Variants in PTPRJ observed in about 807,000 individuals in gnomAD.
PTPRJ encodes protein tyrosine phosphatase receptor type J, also known as receptor-type tyrosine-protein phosphatase eta.
PTPRJ carries 129 observed loss-of-function variants against 141.3 expected under a neutral mutation model. The ratio of observed to expected loss-of-function variants is 0.91; its 90% CI spans 0.79 to 1.06. The LOEUF (loss-of-function observed/expected upper bound fraction) is 1.06. PTPRJ is among the 50% of genes least tolerant of loss of function. PTPRJ has a pLI of 0.00. For missense variants in PTPRJ, 1,601 were observed against 1,679.7 expected, an observed-to-expected ratio of 0.95 and a Z score of 0.82; for synonymous variants, 610 against 640.5, an observed-to-expected ratio of 0.95 and a Z score of 0.72.
In PTPRJ at chr11:48,169,543, G is replaced by A. The variant is rs1858006785; in HGVS notation, c.*2181G>A. 6.6e-6 allele frequency: 1 copy of A among 152,118 alleles called. No individual in the cohort carries two copies. The highest frequency in any genetic ancestry group is 2.1e-4 in the South Asian group (1 of 4,810). 9.4% of individuals were successfully genotyped at this position (152,118 alleles called of 1,614,324 possible). A position where few individuals can be genotyped will look rare whatever the true frequency, so the allele number is the denominator to read the frequency against. On this transcript the variant is annotated 3_prime_UTR_variant, in exon 25 of 25. Coordinates refer to ENST00000418331, the MANE Select transcript of PTPRJ (RefSeq NM_002843.4). ...GTCGGTACTTCATTCATAGGTCCCT[G>A]TTCAGGCAGCAGTTCTGTGGGCTGT... is the stretch of plus-strand genomic sequence containing the variant.
chr11:48,090,807 G>A (rs1168982600), intron 1 of PTPRJ, among the ~76,000 whole-genome samples: 1 of 152,088 alleles, frequency 6.6e-6, no homozygotes, highest in Non-Finnish European at 1.5e-5. Context: ...CCCTGGAGCT[G>A]TCCGTCCCCT....
In PTPRJ at chr11:48,158,959, C is replaced by T. The variant is rs12421100; in HGVS notation, c.3439-971C>T. ...AGAGTGAGACTGTCTCAAACAAACA[C>T]ACAAACAAAAAACAGAAAACAAAAC... On this transcript the variant is annotated intron_variant, in intron 21 of 24. Transcript: ENST00000418331. This position sits in a 1 kb window ranked among gnomAD's most constrained non-coding sequence, Gnocchi z 4.4. 6.6e-6 allele frequency among the ~76,000 whole-genome samples: 1 copy of T among 152,082 alleles called. No homozygotes were observed. The highest frequency in any genetic ancestry group is 2.4e-5 in the African/African-American group (1 of 41,406).
intron 6 of PTPRJ, 114 bp downstream of exon 6, chr11:48,125,300 G>A: frequency 8.4e-7 from 1 of 1,191,012 alleles, no homozygotes; most frequent in Middle Eastern, 2.0e-4. Flanking sequence ...TGATGTCAGA[G>A]GGAGCTTCCT....
intron 1 of PTPRJ, among the ~76,000 whole-genome samples, chr11:48,068,195 C>T (rs73464883): frequency 0.015 from 2,313 of 152,298 alleles, 60 homozygotes; most frequent in African/African-American, 0.053. Flanking sequence ...GCAGCGGGAA[C>T]ACTGAATGAA....
chr11:48,090,881 G>C (rs61915874), intron 1 of PTPRJ, among the ~76,000 whole-genome samples: 4,626 of 152,178 alleles, frequency 0.03, 106 homozygotes, highest in Non-Finnish European at 0.046. Context: ...CCCAGTCCTT[G>C]TCCTGGTGGT....
intron 22 of PTPRJ, 46 bp downstream of exon 22, chr11:48,160,095 G>A: frequency 6.3e-7 from 1 of 1,598,634 alleles, no homozygotes. Flanking sequence ...ATTACCATAT[G>A]TTAATTTGGG....
At chr11:48,166,222 T>C (rs1342614704) in intron 24 of PTPRJ, among the ~76,000 whole-genome samples, 2 of 151,838 alleles carry the variant, frequency 1.3e-5, no homozygotes, top group African/African-American at 2.4e-5. Context: ...GTAGCCAATG[T>C]TTATAGTTTG....
Position 48,138,962 on chromosome 11 carries a change from A to G in PTPRJ, c.2153-524A>G, listed in dbSNP as rs543156521. On this transcript the variant is annotated intron_variant, in intron 10 of 24. Transcript: ENST00000418331. ...ATCCTGGCTAACATGGTGAAACCCC[A>G]TGTCTACTAAAAATACAAAAATCAA... is the stretch of plus-strand genomic sequence containing the variant. Among the ~76,000 whole-genome samples, 3 of 152,254 alleles carry G rather than the reference A, an allele frequency of 2.0e-5. No individual in the cohort carries two copies. The South Asian group carries it at 6.2e-4, about 32-fold the overall frequency.
chr11:48,134,876 C>T (rs147146358), intron 8 of PTPRJ, among the ~76,000 whole-genome samples: 120 of 152,262 alleles, frequency 7.9e-4, no homozygotes, highest in African/African-American at 2.5e-3. Flanking sequence ...CTGTTTTCTT[C>T]CCTTCCTCAT....
Position 47,998,402 on chromosome 11 carries a change from G to A in PTPRJ, c.96+17394G>A, listed in dbSNP as rs189696006. Among the ~76,000 whole-genome samples the A allele has an allele frequency of 2.4e-3, 368 of 152,320 alleles. 1 individual carries two copies. Among genetic ancestry groups the A allele is most frequent in the Middle Eastern group, 6.8e-3 (2 of 294 alleles). ...TTGATTTGATCTTTACAAATTGTGTGAATGTATTAAATTACCACATGTGCT... is the reference window on the plus strand; with the variant it reads ...TTGATTTGATCTTTACAAATTGTGTAAATGTATTAAATTACCACATGTGCT... On this transcript the variant is annotated intron_variant, in intron 1 of 24. Transcript: ENST00000418331.
In PTPRJ at chr11:48,127,978, A is replaced by C; in HGVS notation, c.1292A>C (p.Asn431Thr). 6.2e-7 allele frequency: 1 copy of C among 1,614,096 alleles called. No homozygotes were observed. The change falls in exon 7 of 25, where the codon AAC (asparagine) becomes ACC (threonine). Residue 431 changes from asparagine to threonine, a missense_variant. Coordinates refer to ENST00000418331, the MANE Select transcript of PTPRJ (RefSeq NM_002843.4). ...GGACTCCGCTCCAGCACCTTCTACA[A>C]CATCACAGTGTGTCCTGTCCTAGGT... ...IPGLRSSTFY[N>T]ITVCPVLGDI...
chr11:48,048,520 G>A (rs569764259), intron 1 of PTPRJ, among the ~76,000 whole-genome samples: 3 of 152,310 alleles, frequency 2.0e-5, no homozygotes, highest in Non-Finnish European at 2.9e-5. Flanking sequence ...TGGGCCGGGC[G>A]CAGTGGCTCC....
intron 1 of PTPRJ, among the ~76,000 whole-genome samples, chr11:48,037,104 T>C (rs4752891): frequency 0.44 from 67,201 of 152,200 alleles, 17,894 homozygotes; most frequent in Non-Finnish European, 0.57. Flanking sequence ...TTGGATGCCA[T>C]ATTGAGTGTA....
intron 1 of PTPRJ, among the ~76,000 whole-genome samples, chr11:48,086,185 AT>A (rs1315378941): frequency 2.0e-5 from 3 of 150,876 alleles, no homozygotes; most frequent in South Asian, 2.1e-4. Context: ...TTTAAAAAAA[AT>A]TTTTTTTTTG....
chr11:48,149,344 GT>G, intron 15 of PTPRJ, 102 bp from the exon 16 acceptor site: 1 of 805,458 alleles, frequency 1.2e-6, no homozygotes, highest in Non-Finnish European at 2.1e-6. Flanking sequence ...AGGAAAAGGT[GT>G]AACACCTTTA....
At chr11:48,108,402 G>A (rs1383398409) in intron 1 of PTPRJ, among the ~76,000 whole-genome samples, 1 of 152,240 alleles carries the variant, frequency 6.6e-6, no homozygotes. Context: ...GCCAGAAGCA[G>A]TGGCACTGAA....
chr11:48,084,022 C>T (rs1472292916), intron 1 of PTPRJ, among the ~76,000 whole-genome samples: 1 of 152,158 alleles, frequency 6.6e-6, no homozygotes, highest in African/African-American at 2.4e-5. Context: ...GTAAAAAGAG[C>T]TATGAACAAA....
At chr11:48,030,737 T>C (rs1413369033) in intron 1 of PTPRJ, among the ~76,000 whole-genome samples, 2 of 152,004 alleles carry the variant, frequency 1.3e-5, no homozygotes, top group East Asian at 1.9e-4. Flanking sequence ...AGCGAGACTC[T>C]GTCTCAAAAA....
chr11:48,059,157 C>T (rs1207220320), intron 1 of PTPRJ, among the ~76,000 whole-genome samples: 1 of 133,882 alleles, frequency 7.5e-6, no homozygotes, highest in Non-Finnish European at 1.5e-5. Context: ...CTCACTCTGT[C>T]CATTGCCCAG....
Sources: gnomAD v4.1 joint callset for allele counts (sites outside exome capture counted in the v4.1 genomes callset) on GRCh38, gnomAD v4.1.1 for gene constraint, Gnocchi (gnomAD v3.1) non-coding constraint, MANE v1.5 for transcripts, NCBI Gene and HGNC (gene_info 2026-07-23, HGNC 2026-07-21) for gene names.